LPP: variants seen among roughly 807,000 people sequenced by gnomAD.
LPP encodes lipoma-preferred partner.
LPP carries 38 observed loss-of-function variants against 60.4 expected under a neutral mutation model. The observed-to-expected ratio is 0.63, with a 90% CI of 0.49 to 0.83. The LOEUF (loss-of-function observed/expected upper bound fraction) is 0.83. Among genes scored for constraint, LPP ranks in the 40% least tolerant of loss-of-function variants. The pLI, the probability that LPP is intolerant of heterozygous loss-of-function variation, is 0.00. For missense variants in LPP, 902 were observed against 783.6 expected, an observed-to-expected ratio of 1.15 and a Z score of -1.80; for synonymous variants, 328 against 290.8, an observed-to-expected ratio of 1.13 and a Z score of -1.30.
At chr3:188,775,997 G>GTT (rs1233900004) in intron 9 of LPP, among the ~76,000 whole-genome samples, 1 of 152,228 alleles carries the variant, frequency 6.6e-6, no homozygotes, top group African/African-American at 2.4e-5. Flanking sequence ...CTATTTGCCA[G>GTT]TTTTAAGAGA....
At chr3:188,565,158 G>A (rs1423721791) in intron 6 of LPP, among the ~76,000 whole-genome samples, 1 of 151,908 alleles carries the variant, frequency 6.6e-6, no homozygotes, top group African/African-American at 2.4e-5. Context: ...GATCCAACTA[G>A]CTGTGGCCAG....
intron 8 of LPP, among the ~76,000 whole-genome samples, chr3:188,752,670 C>T (rs777883450): frequency 5.3e-5 from 8 of 152,180 alleles, no homozygotes; most frequent in Non-Finnish European, 1.0e-4. Context: ...TGTTGCCCAA[C>T]TTTCTGCCCC....
At chr3:188,541,100 T>C (rs1825032246) in intron 6 of LPP, among the ~76,000 whole-genome samples, 1 of 152,232 alleles carries the variant, frequency 6.6e-6, no homozygotes, top group Admixed American at 6.5e-5. Context: ...GATTATTAAT[T>C]TGTCACAATT....
intron 7 of LPP, among the ~76,000 whole-genome samples, chr3:188,670,020 A>G (rs918181636): frequency 6.6e-6 from 1 of 152,120 alleles, no homozygotes; most frequent in African/African-American, 2.4e-5. Flanking sequence ...ACCAAACACC[A>G]CATGTTCTCA....
At position 188,206,796 on chromosome 3, in the gene LPP, G is replaced by C. The variant is rs1172583656; in HGVS notation, c.-189-18609G>C. Among the ~76,000 whole-genome samples the C allele has an allele frequency of 2.0e-5, 3 of 152,192 alleles. No homozygotes were observed. In the South Asian group the frequency reaches 6.2e-4, roughly 31 times the overall value. On this transcript the variant is annotated intron_variant, in intron 1 of 11. Transcript: ENST00000617246. ...TGCACTTACTATTTCTGAGATTTGA[G>C]CATCTGACTTTTCCTTTAAGCTTTT... is the stretch of plus-strand genomic sequence containing the variant.
intron 2 of LPP, among the ~76,000 whole-genome samples, chr3:188,277,997 A>C (rs184061441): frequency 6.6e-6 from 1 of 152,318 alleles, no homozygotes; most frequent in African/African-American, 2.4e-5. Flanking sequence ...CTCTAACTTC[A>C]TGCATTTCTT....
In LPP at chr3:188,884,803, C is replaced by T. The variant is rs560499372; in HGVS notation, c.*10324C>T. ...TAGTCTTTCTCTCCATTCACATTTACTGAGAGCACACCACGTGCATGTTGC... is the reference window on the plus strand; with the variant it reads ...TAGTCTTTCTCTCCATTCACATTTATTGAGAGCACACCACGTGCATGTTGC... On this transcript the variant is annotated 3_prime_UTR_variant, in exon 12 of 12. Transcript: ENST00000617246. The T allele has an allele frequency of 4.4e-6, 1 of 226,226 alleles. No individual in the cohort carries two copies. The highest frequency in any genetic ancestry group is 1.8e-4 in the South Asian group (1 of 5,476). The allele number at this position is 226,226 out of a possible 1,614,324, so 14.0% of individuals were successfully genotyped here.
chr3:188,649,910 C>G (rs1032279853), intron 7 of LPP, among the ~76,000 whole-genome samples: 1 of 152,164 alleles, frequency 6.6e-6, no homozygotes, highest in Non-Finnish European at 1.5e-5. Flanking sequence ...GGGAATTCCT[C>G]TGTTATAGGT....
At chr3:188,753,300 T>G (rs62291335) in intron 8 of LPP, among the ~76,000 whole-genome samples, 7,756 of 152,282 alleles carry the variant, frequency 0.051, 233 homozygotes, top group Non-Finnish European at 0.07. Context: ...TTTTTGTTAG[T>G]TTCCTTCACA....
intron 7 of LPP, among the ~76,000 whole-genome samples, chr3:188,645,094 G>A (rs1383195795): frequency 2.0e-5 from 3 of 152,158 alleles, no homozygotes; most frequent in Non-Finnish European, 4.4e-5. Context: ...AAAATAGTAT[G>A]TACTCAGTTA....
chr3:188,576,526 C>T (rs753243179), intron 6 of LPP, among the ~76,000 whole-genome samples: 1 of 152,132 alleles, frequency 6.6e-6, no homozygotes, highest in African/African-American at 2.4e-5. Flanking sequence ...TTCTGTGATG[C>T]AGGGTTCTGA....
At chr3:188,649,624 A>G (rs1285518272) in intron 7 of LPP, among the ~76,000 whole-genome samples, 1 of 146,840 alleles carries the variant, frequency 6.8e-6, no homozygotes, top group Non-Finnish European at 1.5e-5. Context: ...CAGGCATCCA[A>G]AATCCTTTAT....
At chr3:188,779,310 A>AC (rs1341699086) in intron 9 of LPP, among the ~76,000 whole-genome samples, 4 of 152,126 alleles carry the variant, frequency 2.6e-5, no homozygotes, top group Admixed American at 2.6e-4. Context: ...GATGCTATGG[A>AC]CCATGGATTA....
chr3:188,718,396 G>A (rs564574724), intron 8 of LPP, among the ~76,000 whole-genome samples: 25 of 152,094 alleles, frequency 1.6e-4, no homozygotes, highest in Non-Finnish European at 3.2e-4. Flanking sequence ...ATCTCAGACC[G>A]TAGATCCACC....
intron 8 of LPP, among the ~76,000 whole-genome samples, chr3:188,751,517 T>C (rs1164271921): frequency 6.6e-6 from 1 of 152,218 alleles, no homozygotes; most frequent in Admixed American, 6.5e-5. Flanking sequence ...GAAATACTAC[T>C]GTTTCTGTCA....
At chr3:188,307,444 G>A (rs533891029) in intron 2 of LPP, among the ~76,000 whole-genome samples, 3 of 152,286 alleles carry the variant, frequency 2.0e-5, no homozygotes, top group Non-Finnish European at 2.9e-5. Context: ...AGAAATAGCT[G>A]TAAGATAGAT....
intron 6 of LPP, among the ~76,000 whole-genome samples, chr3:188,558,491 A>T (rs1298099368): frequency 2.6e-5 from 4 of 152,056 alleles, no homozygotes; most frequent in Non-Finnish European, 5.9e-5. Context: ...AGCTGTGTAG[A>T]TTCAACTTCC....
At chr3:188,466,321 C>T (rs145887769) in intron 4 of LPP, among the ~76,000 whole-genome samples, 1,631 of 152,124 alleles carry the variant, frequency 0.011, 25 homozygotes, top group African/African-American at 0.033. Flanking sequence ...GTTAGGTTAA[C>T]GGCCATCTTA....
intron 3 of LPP, among the ~76,000 whole-genome samples, chr3:188,357,591 C>T (rs891817393): frequency 1.3e-5 from 2 of 152,148 alleles, no homozygotes; most frequent in Non-Finnish European, 2.9e-5. Context: ...CATCCAAAAT[C>T]CATGCACAAG....
Sources: allele counts gnomAD v4.1 joint callset (sites outside exome capture counted in the v4.1 genomes callset), GRCh38; gene constraint gnomAD v4.1.1; transcripts MANE v1.5; gene names NCBI Gene and HGNC (gene_info 2026-07-23, HGNC 2026-07-21).